Variants in CSMD1 observed in about 807,000 individuals in gnomAD.
CSMD1 encodes CUB and sushi domain-containing protein 1.
Under a neutral mutation model 417.5 loss-of-function variants are expected in CSMD1, and 213 were observed. The observed-to-expected ratio is 0.51, with a 90% confidence interval of 0.46 to 0.57. The LOEUF (loss-of-function observed/expected upper bound fraction) is 0.57. Ranked by LOEUF, CSMD1 falls within the 20% of genes least tolerant of loss-of-function variation. The pLI is 0.00. For synonymous variants in CSMD1, 2,862 were observed against 1,736.8 expected (o/e 1.65, Z -16.11); for missense variants, 6,923 against 4,529.7 (o/e 1.53, Z -15.17).
chr8:4,778,919 A>T (rs1389738471), intron 1 of CSMD1, among the ~76,000 whole-genome samples: 2 of 152,220 alleles, frequency 1.3e-5, no homozygotes, highest in Non-Finnish European at 2.9e-5. Context: ...AATATATGGA[A>T]GCAACCTGCT....
At chr8:3,309,003 C>T (rs911884638) in intron 23 of CSMD1, among the ~76,000 whole-genome samples, 21 of 152,182 alleles carry the variant, frequency 1.4e-4, no homozygotes, top group East Asian at 1.2e-3. Context: ...GGATTACAGG[C>T]GTGAGCCACT....
At position 2,951,258 on chromosome 8, in the gene CSMD1, A is replaced by C; in HGVS notation, c.10057T>G (p.Phe3353Val). Reference protein sequence around the residue: ...TKTPVPSDVFFVNSLWKGYYE... With the variant: ...TKTPVPSDVFVVNSLWKGYYE... ...TACCCCTTCCACAGTGAATTGACGA[A>C]AAAGACATCTGAAGGAACTGTGGGA... Residue 3353 changes from phenylalanine to valine, a missense_variant, in exon 66 of 70, where the codon TTC becomes GTC. Phe to Val is a conservative substitution (Grantham distance 50, BLOSUM62 -1). Transcript: ENST00000635120. The C allele has an allele frequency of 6.2e-7, 1 of 1,605,606 alleles. No homozygotes were observed. Among genetic ancestry groups the C allele is most frequent in the Non-Finnish European group, 8.5e-7 (1 of 1,175,548 alleles).
At chr8:4,699,080 C>T (rs1490351884) in intron 1 of CSMD1, among the ~76,000 whole-genome samples, 1 of 152,086 alleles carries the variant, frequency 6.6e-6, no homozygotes, top group Admixed American at 6.6e-5. Context: ...ACGTAGATGT[C>T]CTGCTAGAGT....
chr8:3,379,772 T>G (rs577181902), intron 18 of CSMD1, among the ~76,000 whole-genome samples: 1 of 152,210 alleles, frequency 6.6e-6, no homozygotes, highest in Non-Finnish European at 1.5e-5. Context: ...GACTTAAACA[T>G]AAGACCTAAA....
intron 2 of CSMD1, among the ~76,000 whole-genome samples, chr8:4,521,383 A>G (rs1268748371): frequency 6.6e-6 from 1 of 152,128 alleles, no homozygotes; most frequent in Non-Finnish European, 1.5e-5. Context: ...GAAAAAGAAA[A>G]AACAAAACAA....
Position 3,738,184 on chromosome 8 carries a change from T to A in CSMD1, c.931+15746A>T, listed in dbSNP as rs138072886. 2.7e-3 allele frequency among the ~76,000 whole-genome samples: 407 copies of A among 152,298 alleles called. 4 individuals carry two copies. The Middle Eastern group carries it at 0.034, about 13-fold the overall frequency. On this transcript the variant is annotated intron_variant, in intron 6 of 69. Coordinates refer to ENST00000635120, the MANE Select transcript of CSMD1 (RefSeq NM_033225.6). ...AATATATGCCCTTTGATCTATACAT[T>A]TAATAAGCACAGAAATAAATTATAT... is the stretch of plus-strand genomic sequence containing the variant.
At chr8:4,149,845 T>A (rs1796475763) in intron 3 of CSMD1, among the ~76,000 whole-genome samples, 1 of 152,240 alleles carries the variant, frequency 6.6e-6, no homozygotes, top group Non-Finnish European at 1.5e-5. Context: ...ATTCTCTTTA[T>A]AAATTAAATG....
At chr8:4,912,412 T>C (rs1330196665) in intron 1 of CSMD1, among the ~76,000 whole-genome samples, 1 of 151,758 alleles carries the variant, frequency 6.6e-6, no homozygotes. Context: ...GTTGTCTAGA[T>C]CAATGCCATT....
rs188737233 is a variant in CSMD1, at chr8:3,708,327, G to A, written c.1009+87C>T. The A allele has an allele frequency of 1.7e-4, 173 of 1,036,860 alleles. No individual in the cohort carries two copies. The South Asian group carries it at 2.2e-3, about 13-fold the overall frequency. The allele number at this position is 1,036,860 out of a possible 1,614,324, so 64.2% of individuals were successfully genotyped here. ...AGGAAGAGATAACGTGGGGAAGGTG[G>A]TGGGTGGGATCGCTTCTTAACTGCT... On this transcript the variant is annotated intron_variant, in intron 7 of 69. Transcript: ENST00000635120.
intron 3 of CSMD1, among the ~76,000 whole-genome samples, chr8:4,069,376 T>C (rs1372771008): frequency 6.6e-6 from 1 of 152,238 alleles, no homozygotes; most frequent in South Asian, 2.1e-4. Flanking sequence ...ATTTTTACTT[T>C]ATGCTTTCGT....
At position 3,453,683 on chromosome 8, in the gene CSMD1, G is replaced by A. The variant is rs952771346; in HGVS notation, c.1561+15029C>T. ...TGCACTGTGGTCTGAGAGACAGTTTGTTATAATTTCTGTACTTTTACATTT... is the reference window on the plus strand; with the variant it reads ...TGCACTGTGGTCTGAGAGACAGTTTATTATAATTTCTGTACTTTTACATTT... On this transcript the variant is annotated intron_variant, in intron 12 of 69. Coordinates refer to ENST00000635120, the MANE Select transcript of CSMD1 (RefSeq NM_033225.6). Among the ~76,000 whole-genome samples the A allele has an allele frequency of 1.3e-5, 2 of 152,160 alleles. 1 individual carries two copies. The highest frequency in any genetic ancestry group is 3.8e-4 in the East Asian group (2 of 5,198).
At chr8:3,124,164 G>T (rs1817366215) in intron 41 of CSMD1, among the ~76,000 whole-genome samples, 1 of 151,988 alleles carries the variant, frequency 6.6e-6, no homozygotes, top group Non-Finnish European at 1.5e-5. Context: ...GAGCAGATTA[G>T]CCCATATGGG....
At chr8:4,843,886 A>G (rs981362016) in intron 1 of CSMD1, among the ~76,000 whole-genome samples, 12 of 152,156 alleles carry the variant, frequency 7.9e-5, no homozygotes, top group Non-Finnish European at 1.5e-4. Context: ...CTTACCTAAC[A>G]CACCCAGTGA....
intron 1 of CSMD1, among the ~76,000 whole-genome samples, chr8:4,975,664 G>A (rs371249319): frequency 5.9e-5 from 9 of 152,246 alleles, no homozygotes; most frequent in African/African-American, 2.2e-4. Flanking sequence ...GTGAGGTAAC[G>A]GTAATTCAAG....
chr8:3,245,936 A>G (rs1360398376), intron 26 of CSMD1, among the ~76,000 whole-genome samples: 1 of 152,142 alleles, frequency 6.6e-6, no homozygotes, highest in African/African-American at 2.4e-5. Context: ...CTATTCAACA[A>G]TAATAGTGTT....
At chr8:4,467,833 AAAT>A (rs1479538079) in intron 2 of CSMD1, among the ~76,000 whole-genome samples, 3 of 152,212 alleles carry the variant, frequency 2.0e-5, no homozygotes, top group African/African-American at 7.2e-5. Flanking sequence ...AAACTCAATG[AAAT>A]AATTGGACAA....
At chr8:4,022,680 G>A (rs948216121) in intron 4 of CSMD1, among the ~76,000 whole-genome samples, 7 of 152,154 alleles carry the variant, frequency 4.6e-5, no homozygotes, top group African/African-American at 1.2e-4. Context: ...AGATTTGGGG[G>A]AAATGAAGGC....
chr8:4,483,492 A>C (rs1210722299), intron 2 of CSMD1, among the ~76,000 whole-genome samples: 1 of 152,234 alleles, frequency 6.6e-6, no homozygotes, highest in African/African-American at 2.4e-5. Flanking sequence ...TAAAGCAATA[A>C]TGTATGATGT....
intron 21 of CSMD1, among the ~76,000 whole-genome samples, chr8:3,352,065 C>T (rs544448574): frequency 6.6e-6 from 1 of 152,134 alleles, no homozygotes; most frequent in Non-Finnish European, 1.5e-5. Flanking sequence ...ACATGATTAG[C>T]CATTGTATCC....
Sources: gnomAD v4.1 joint callset for allele counts (sites outside exome capture counted in the v4.1 genomes callset) on GRCh38, gnomAD v4.1.1 for gene constraint, MANE v1.5 for transcripts, NCBI Gene and HGNC (gene_info 2026-07-23, HGNC 2026-07-21) for gene names.